The following SH3KBP1 variants were observed in gnomAD, a reference collection of about 807,000 sequenced individuals.
The protein encoded by SH3KBP1 is SH3 domain containing kinase binding protein 1, also known as SH3 domain-containing kinase-binding protein 1.
A neutral mutation model predicts 50.1 loss-of-function variants in SH3KBP1; 8 were observed. The ratio of observed to expected loss-of-function variants is 0.16; its 90% CI spans 0.09 to 0.29. SH3KBP1 has a LOEUF of 0.29. Among genes scored for constraint, SH3KBP1 ranks in the 10% least tolerant of loss-of-function variants. The pLI is 1.00. For missense variants in SH3KBP1, 377 were observed against 535.2 expected (o/e 0.70, Z 2.92); for synonymous variants, 227 against 218.6 (o/e 1.04, Z -0.34).
intron 3 of SH3KBP1, among the ~76,000 whole-genome samples, chrX:19,728,252 C>T (rs1395621161): frequency 9.0e-6 from 1 of 111,392 alleles, no homozygotes; most frequent in Admixed American, 9.5e-5. Flanking sequence ...ATCCAAAATG[C>T]TCCAATGAGC....
intron 5 of SH3KBP1, among the ~76,000 whole-genome samples, chrX:19,691,665 TACTG>T (rs1264156514): frequency 9.1e-6 from 1 of 110,302 alleles, no homozygotes; most frequent in Non-Finnish European, 1.9e-5. Flanking sequence ...ATTTGAGACA[TACTG>T]ACTAACTGCA....
At chrX:19,723,695 A>G (rs1179213740) in intron 3 of SH3KBP1, among the ~76,000 whole-genome samples, 1 of 112,356 alleles carries the variant, frequency 8.9e-6, no homozygotes, top group East Asian at 2.8e-4. Flanking sequence ...TTTTTACACT[A>G]AACATGTATT....
intron 6 of SH3KBP1, among the ~76,000 whole-genome samples, chrX:19,661,837 G>C (rs2062465975): frequency 1.8e-5 from 2 of 110,896 alleles, no homozygotes; most frequent in Non-Finnish European, 3.8e-5. Context: ...ATGTTGGCCA[G>C]GCTGGTCTTG....
chrX:19,878,718 A>G (rs1235116077), intron 1 of SH3KBP1, among the ~76,000 whole-genome samples: 4 of 110,524 alleles, frequency 3.6e-5, no homozygotes, highest in Non-Finnish European at 7.6e-5. Flanking sequence ...CAAGTTAGAA[A>G]CTTACTAGGG....
chrX:19,578,260 A>T (rs768576067), intron 12 of SH3KBP1, among the ~76,000 whole-genome samples: 39 of 111,474 alleles, frequency 3.5e-4, no homozygotes, highest in Non-Finnish European at 6.4e-4. Context: ...TCACCTGAGA[A>T]CCTATCTTCT....
At chrX:19,805,017 GTTTGTTTCCCCT>G (rs201829632) in intron 2 of SH3KBP1, among the ~76,000 whole-genome samples, 2,699 of 108,132 alleles carry the variant, frequency 0.025, 91 homozygotes, top group African/African-American at 0.086. Context: ...TTTGTTTTTT[GTTTGTTTCCCCT>G]TTACAAATGG....
intron 8 of SH3KBP1, among the ~76,000 whole-genome samples, chrX:19,626,572 T>A (rs1432318599): frequency 9.0e-6 from 1 of 110,867 alleles, no homozygotes; most frequent in African/African-American, 3.3e-5. Flanking sequence ...GGTCCCCTCT[T>A]TTTTGTGGTT....
At chrX:19,797,300 G>A (rs2066742332) in intron 2 of SH3KBP1, among the ~76,000 whole-genome samples, 1 of 111,581 alleles carries the variant, frequency 9.0e-6, no homozygotes, top group Non-Finnish European at 1.9e-5. Flanking sequence ...TGAAAGAAGA[G>A]AAAGGGCCAG....
intron 2 of SH3KBP1, among the ~76,000 whole-genome samples, chrX:19,799,032 C>A (rs1236111675): frequency 9.0e-6 from 1 of 111,661 alleles, no homozygotes; most frequent in Non-Finnish European, 1.9e-5. Context: ...CATCTGGCAA[C>A]AGGACAGTGC....
rs1027507447 is a variant in SH3KBP1, at chrX:19,698,696, C to T, written c.391-2955G>A. Among the ~76,000 whole-genome samples the T allele has an allele frequency of 3.6e-5, 4 of 111,565 alleles. No homozygotes were observed. In the East Asian group the frequency reaches 8.5e-4, roughly 24 times the overall value. On this transcript the variant is annotated intron_variant, in intron 4 of 17. Transcript: ENST00000397821. ...CGTTCAGTACTATTTCCTTCTATAG[C>T]CAGGCCAGCTGTTTTGGTCTCGAGA...
At chrX:19,578,552 C>A (rs1035836339) in intron 12 of SH3KBP1, among the ~76,000 whole-genome samples, 3 of 111,908 alleles carry the variant, frequency 2.7e-5, no homozygotes, top group African/African-American at 9.8e-5. Flanking sequence ...CCAAGGCCAC[C>A]TAGTTGATTG....
chrX:19,868,483 A>T (rs552084127), intron 1 of SH3KBP1, among the ~76,000 whole-genome samples: 1 of 109,109 alleles, frequency 9.2e-6, no homozygotes, highest in Admixed American at 9.7e-5. Flanking sequence ...ACAACTTAAC[A>T]CTTAAAATAT....
intron 7 of SH3KBP1, among the ~76,000 whole-genome samples, chrX:19,633,295 T>C (rs1429733905): frequency 2.7e-5 from 3 of 111,760 alleles, no homozygotes; most frequent in Non-Finnish European, 5.6e-5. Flanking sequence ...TGTCCTAGTG[T>C]TGGAAATCTT....
intron 2 of SH3KBP1, among the ~76,000 whole-genome samples, chrX:19,814,133 A>G (rs2067286694): frequency 9.1e-6 from 1 of 109,728 alleles, no homozygotes; most frequent in South Asian, 3.9e-4. Flanking sequence ...AAAACCTTAG[A>G]GTCATCTCTC....
intron 5 of SH3KBP1, among the ~76,000 whole-genome samples, chrX:19,687,305 C>T (rs1157314563): frequency 1.8e-5 from 2 of 112,726 alleles, no homozygotes; most frequent in Admixed American, 9.4e-5. Context: ...CCCAGAGAAA[C>T]TGGTACAAAT....
At chrX:19,677,801 C>T (rs940420164) in intron 6 of SH3KBP1, among the ~76,000 whole-genome samples, 9 of 112,222 alleles carry the variant, frequency 8.0e-5, no homozygotes, top group Non-Finnish European at 1.7e-4. Context: ...CATCCCTTAC[C>T]TTGATGTCCC....
At chrX:19,554,793 G>C (rs2065440428) in intron 13 of SH3KBP1, among the ~76,000 whole-genome samples, 1 of 112,063 alleles carries the variant, frequency 8.9e-6, no homozygotes, top group Non-Finnish European at 1.9e-5. Context: ...CTGCCATACA[G>C]AAAAAAAATG....
chrX:19,793,624 G>C (rs57472716), intron 2 of SH3KBP1, among the ~76,000 whole-genome samples: 24,117 of 110,542 alleles, frequency 0.22, 2,869 homozygotes, highest in African/African-American at 0.46. Flanking sequence ...TTCTAGGGTA[G>C]TAGTTGGCCA....
chrX:19,554,231 A>C (rs2065392218), intron 13 of SH3KBP1, among the ~76,000 whole-genome samples: 1 of 69,623 alleles, frequency 1.4e-5, no homozygotes. Context: ...TATCATATTA[A>C]AATATATTAT....
Sources: gnomAD v4.1 joint callset for allele counts (sites outside exome capture counted in the v4.1 genomes callset) on GRCh38, gnomAD v4.1.1 for gene constraint, MANE v1.5 for transcripts, NCBI Gene and HGNC (gene_info 2026-07-23, HGNC 2026-07-21) for gene names.